CDH12: variants seen among roughly 807,000 people sequenced by gnomAD.
The protein encoded by CDH12 is cadherin 12.
A neutral mutation model predicts 74.1 loss-of-function variants in CDH12; 41 were observed. That is an observed-to-expected ratio of 0.55 (90% CI 0.43 to 0.72). CDH12 has a LOEUF of 0.72. Ranked by LOEUF, CDH12 falls within the 30% of genes least tolerant of loss-of-function variation. CDH12 has a pLI of 0.00. For missense variants in CDH12, 945 were observed against 977.2 expected, an observed-to-expected ratio of 0.97 and a Z score of 0.44; for synonymous variants, 399 against 355.0, an observed-to-expected ratio of 1.12 and a Z score of -1.39.
intron 1 of CDH12, among the ~76,000 whole-genome samples, chr5:22,831,340 G>T (rs1736590559): frequency 7.0e-6 from 1 of 142,038 alleles, no homozygotes; most frequent in Non-Finnish European, 1.5e-5. Flanking sequence ...GGAAGGTAGG[G>T]GTTTTGGAGT....
At chr5:22,497,670 T>A (rs1373153014) in intron 2 of CDH12, among the ~76,000 whole-genome samples, 1 of 113,748 alleles carries the variant, frequency 8.8e-6, no homozygotes, top group East Asian at 2.8e-4. Context: ...TGAGATGTAA[T>A]CTGGCTCTGT....
intron 6 of CDH12, among the ~76,000 whole-genome samples, chr5:21,950,271 C>A (rs573163495): frequency 2.6e-4 from 39 of 152,244 alleles, no homozygotes; most frequent in African/African-American, 8.7e-4. Context: ...TATGATGTTA[C>A]ACAGTGAAGA....
At chr5:21,884,024 C>T (rs774460483) in intron 6 of CDH12, 46 of 1,473,516 alleles carry the variant, frequency 3.1e-5, no homozygotes, top group Non-Finnish European at 4.3e-5. Context: ...CAGCAATGAC[C>T]ACTGCTACGA....
intron 1 of CDH12, among the ~76,000 whole-genome samples, chr5:22,741,954 G>A (rs1437755276): frequency 6.6e-6 from 1 of 152,150 alleles, no homozygotes; most frequent in Non-Finnish European, 1.5e-5. Flanking sequence ...GCAGAGACAG[G>A]TGGATCACCT....
At chr5:22,336,616 T>C (rs376440910) in intron 3 of CDH12, among the ~76,000 whole-genome samples, 1 of 152,222 alleles carries the variant, frequency 6.6e-6, no homozygotes, top group African/African-American at 2.4e-5. Flanking sequence ...CCACAAGCCT[T>C]AGCAGTTTCC....
chr5:22,166,383 G>C (rs1027424062), intron 4 of CDH12, among the ~76,000 whole-genome samples: 2 of 152,092 alleles, frequency 1.3e-5, no homozygotes, highest in African/African-American at 4.8e-5. Flanking sequence ...GTCATCCCTT[G>C]AATAGAAGTC....
chr5:22,309,832 A>T (rs1738300834), intron 3 of CDH12, among the ~76,000 whole-genome samples: 1 of 152,058 alleles, frequency 6.6e-6, no homozygotes, highest in South Asian at 2.1e-4. Context: ...ATATTCTTCC[A>T]AAATAAACCC....
chr5:21,895,444 T>G (rs1396107709), intron 6 of CDH12, among the ~76,000 whole-genome samples: 1 of 152,192 alleles, frequency 6.6e-6, no homozygotes. Flanking sequence ...GCGTGGAAGC[T>G]TCTTGACTTA....
chr5:22,784,272 G>C (rs537732115), intron 1 of CDH12, among the ~76,000 whole-genome samples: 1 of 152,094 alleles, frequency 6.6e-6, no homozygotes, highest in African/African-American at 2.4e-5. Context: ...CTATGATTTA[G>C]TTACAATGTA....
In CDH12 at chr5:21,883,390, A is replaced by C. The variant is rs1226899591; in HGVS notation, c.527-28600T>G. Reference sequence around the variant, plus strand: ...CCTGCTCTTGAAATTGCCAATGCTCACCATAAGCCTTTGGTGATAATCGCT... The same window carrying C: ...CCTGCTCTTGAAATTGCCAATGCTCCCCATAAGCCTTTGGTGATAATCGCT... On this transcript the variant is annotated intron_variant, in intron 6 of 14. Transcript: ENST00000382254. 8.4e-6 allele frequency: 13 copies of C among 1,555,694 alleles called. No individual in the cohort carries two copies. In the African/African-American group the frequency reaches 1.8e-4, roughly 21 times the overall value.
intron 1 of CDH12, among the ~76,000 whole-genome samples, chr5:22,722,811 A>G (rs958484419): frequency 1.5e-4 from 23 of 152,232 alleles, no homozygotes; most frequent in African/African-American, 5.5e-4. Context: ...TGCTCTCTAA[A>G]GGAAAACTCT....
rs570629554 is a variant in CDH12 at position 22,306,832 on chromosome 5, T to G, written c.-332-94189A>C. On this transcript the variant is annotated intron_variant, in intron 3 of 14. Transcript: ENST00000382254. Reference sequence around the variant, plus strand: ...TAAAATGGAGAGAATAAAAATTAGATGTACCATGCCTCTACATTAAAGATC... The same window carrying G: ...TAAAATGGAGAGAATAAAAATTAGAGGTACCATGCCTCTACATTAAAGATC... Among the ~76,000 whole-genome samples, 4 of 152,310 alleles carry G rather than the reference T, an allele frequency of 2.6e-5. No homozygotes were observed. In the East Asian group the frequency reaches 5.8e-4, roughly 22 times the overall value.
chr5:22,246,092 TACTA>T (rs200040187), intron 3 of CDH12, among the ~76,000 whole-genome samples: 1,702 of 152,268 alleles, frequency 0.011, 32 homozygotes, highest in African/African-American at 0.039. Context: ...CCATTTAGAT[TACTA>T]ACTAACTTAC....
At position 22,137,566 on chromosome 5, in the gene CDH12, T is replaced by C. The variant is rs149047267; in HGVS notation, c.-186-58704A>G. Reference sequence around the variant, plus strand: ...AGAAATAACCCTGCACATGCATGTATTAGAAGTCAGAGAAGATCCTCTCGA... The same window carrying C: ...AGAAATAACCCTGCACATGCATGTACTAGAAGTCAGAGAAGATCCTCTCGA... On this transcript the variant is annotated intron_variant, in intron 4 of 14. Transcript: ENST00000382254. Among the ~76,000 whole-genome samples, 33 of 152,188 alleles carry C rather than the reference T, an allele frequency of 2.2e-4. 1 individual carries two copies. The East Asian group carries it at 6.4e-3, about 29-fold the overall frequency.
At chr5:21,966,263 C>T (rs1214708329) in intron 6 of CDH12, among the ~76,000 whole-genome samples, 1 of 150,392 alleles carries the variant, frequency 6.6e-6, no homozygotes, top group Non-Finnish European at 1.5e-5. Context: ...AATCTCCTCT[C>T]TCAAACTCAA....
chr5:22,159,501 T>G lies in CDH12; in HGVS notation c.-187+52997A>C, dbSNP rs560726985. ...TTGTGTCTTTTCTGATCTATAATTA[T>G]AGCTTACATGGTTCAGATGAATTTC... On this transcript the variant is annotated intron_variant, in intron 4 of 14. Transcript: ENST00000382254. Among the ~76,000 whole-genome samples the G allele has an allele frequency of 3.0e-3, 459 of 152,316 alleles. 5 individuals are homozygous for G. The highest frequency in any genetic ancestry group is 3.7e-3 in the Non-Finnish European group (252 of 68,024).
chr5:22,824,070 C>A (rs1749873163), intron 1 of CDH12, among the ~76,000 whole-genome samples: 1 of 151,934 alleles, frequency 6.6e-6, no homozygotes, highest in South Asian at 2.1e-4. Flanking sequence ...ATAAATATAT[C>A]CCTTGAAAGA....
chr5:22,457,610 G>C (rs992291462), intron 2 of CDH12, among the ~76,000 whole-genome samples: 9 of 136,306 alleles, frequency 6.6e-5, no homozygotes, highest in African/African-American at 2.5e-4. Flanking sequence ...ACAGAGTCTT[G>C]CTCTGTCACC....
At chr5:22,400,177 C>T (rs1235145487) in intron 3 of CDH12, among the ~76,000 whole-genome samples, 1 of 152,110 alleles carries the variant, frequency 6.6e-6, no homozygotes, top group Non-Finnish European at 1.5e-5. Flanking sequence ...ACTGGTGTAT[C>T]TCTTTGCCTG....
Sources: allele counts gnomAD v4.1 joint callset (sites outside exome capture counted in the v4.1 genomes callset), GRCh38; gene constraint gnomAD v4.1.1; transcripts MANE v1.5; gene names NCBI Gene and HGNC (gene_info 2026-07-23, HGNC 2026-07-21).